The following POLR1A variants were observed in gnomAD, a reference collection of about 807,000 sequenced individuals.
The protein encoded by POLR1A is DNA-directed RNA polymerase I subunit RPA1.
In POLR1A, 84 loss-of-function variants were observed where a neutral mutation model predicts 205.3. That is an observed-to-expected ratio of 0.41 (90% CI 0.34 to 0.49). The LOEUF (loss-of-function observed/expected upper bound fraction) is 0.49, where lower values mean the gene tolerates loss of function less well. POLR1A is among the 20% of genes least tolerant of loss of function. The pLI is 0.22. For synonymous variants in POLR1A, 799 were observed against 863.7 expected (o/e 0.93, Z 1.31); for missense variants, 1,645 against 2,204.5 (o/e 0.75, Z 5.08).
intron 20 of POLR1A, 67 bp from the exon 21 acceptor site, chr2:86,045,427 G>A (rs1672693062): frequency 7.4e-7 from 1 of 1,350,544 alleles, no homozygotes; most frequent in East Asian, 2.3e-5. Flanking sequence ...AAGGGCTCAG[G>A]CCAACACCTC....
Position 86,088,568 on chromosome 2 carries a change from A to T in POLR1A, c.728T>A (p.Leu243Gln). ...CTCTCCAGACCCAGCCTGCTCACCCAGGGGCTCAGAGTCCTTCTGGCCAGC... is the reference window on the plus strand; with the variant it reads ...CTCTCCAGACCCAGCCTGCTCACCCTGGGGCTCAGAGTCCTTCTGGCCAGC... ...RTAGQKDSEP[L>Q]GIEEAQIGKR... is the part of the protein sequence containing the mutation. The change falls in exon 6 of 34, where the codon CTG becomes CAG. Residue 243 changes from leucine (L) to glutamine (Q), a missense_variant and splice_region_variant. Coordinates refer to ENST00000263857, the MANE Select transcript of POLR1A (RefSeq NM_015425.6). The T allele has an allele frequency of 6.2e-7, 1 of 1,609,280 alleles. No individual in the cohort carries two copies.
chr2:86,065,538 G>A (rs2104408999), intron 13 of POLR1A, 73 bp from the exon 14 acceptor site: 1 of 1,265,396 alleles, frequency 7.9e-7, no homozygotes, highest in South Asian at 1.4e-5. Flanking sequence ...CTAATCGCCT[G>A]CCTGGAAGCC....
intron 29 of POLR1A, 101 bp downstream of exon 29, chr2:86,032,171 T>A: frequency 3.7e-6 from 3 of 816,020 alleles, no homozygotes; most frequent in South Asian, 2.9e-5. Flanking sequence ...TGTGGGTTCA[T>A]GACACAGAGG....
intron 18 of POLR1A, among the ~76,000 whole-genome samples, chr2:86,048,123 A>G (rs1310602236): frequency 6.6e-6 from 1 of 152,192 alleles, no homozygotes. Flanking sequence ...GCAAGAGAGC[A>G]CTACAGACGA....
intron 1 of POLR1A, among the ~76,000 whole-genome samples, chr2:86,102,674 T>C (rs1419545126): frequency 1.3e-5 from 2 of 152,180 alleles, no homozygotes; most frequent in African/African-American, 2.4e-5. Context: ...GAAGATAACA[T>C]ACAGAAAATA....
chr2:86,048,044 C>G lies in POLR1A; in HGVS notation c.2635-781G>C, dbSNP rs115981085. Among the ~76,000 whole-genome samples the G allele has an allele frequency of 7.8e-3, 1,181 of 152,310 alleles. 17 individuals carry two copies. The highest frequency in any genetic ancestry group is 0.027 in the African/African-American group (1,124 of 41,558). On this transcript the variant is annotated intron_variant, in intron 18 of 33. Transcript: ENST00000263857. ...TAGGAAAGCTCCTGTCAACAAAACC[C>G]CTCAAGGATGGAACCTGTCCCCATG...
intron 31 of POLR1A, among the ~76,000 whole-genome samples, 164 bp downstream of exon 31, chr2:86,030,023 GGAGGCAGAC>G (rs1315365547): frequency 6.6e-6 from 1 of 152,200 alleles, no homozygotes; most frequent in Non-Finnish European, 1.5e-5. Flanking sequence ...AGAATCCCCG[GGAGGCAGAC>G]GAGGACACGC....
At chr2:86,085,062 C>T (rs111264437) in intron 6 of POLR1A, among the ~76,000 whole-genome samples, 5,333 of 152,220 alleles carry the variant, frequency 0.035, 227 homozygotes, top group East Asian at 0.23. Flanking sequence ...CCTGGGTTCA[C>T]GCCATTCTCC....
At chr2:86,055,548 G>T (rs1480162231) in intron 14 of POLR1A, among the ~76,000 whole-genome samples, 1 of 152,160 alleles carries the variant, frequency 6.6e-6, no homozygotes, top group East Asian at 1.9e-4. Context: ...GTCCTGGGGT[G>T]CCTACTTCAA....
chr2:86,072,783 G>C (rs1171096813), intron 12 of POLR1A, among the ~76,000 whole-genome samples: 1 of 152,184 alleles, frequency 6.6e-6, no homozygotes, highest in Non-Finnish European at 1.5e-5. Flanking sequence ...AGAGGAAATG[G>C]GTCCTTTTGG....
At chr2:86,079,440 G>C (rs1477904791) in intron 9 of POLR1A, among the ~76,000 whole-genome samples, 2 of 152,174 alleles carry the variant, frequency 1.3e-5, no homozygotes, top group Non-Finnish European at 2.9e-5. Flanking sequence ...AGAGAGTAAG[G>C]GGGGAGAAAA....
intron 27 of POLR1A, among the ~76,000 whole-genome samples, chr2:86,038,437 GACA>G (rs1672537610): frequency 1.3e-5 from 2 of 152,216 alleles, no homozygotes; most frequent in Admixed American, 6.5e-5. Flanking sequence ...AGCCCCAGAA[GACA>G]ACAATCCTGA....
In POLR1A at chr2:86,061,426, G is replaced by C. The variant is rs556407851; in HGVS notation, c.2058+3848C>G. 4.6e-4 allele frequency among the ~76,000 whole-genome samples: 70 copies of C among 152,322 alleles called. No individual in the cohort carries two copies. The South Asian group carries it at 0.014, about 31-fold the overall frequency. ...GGCACAACTGCACTCCATCCTGGTA[G>C]AAGTGTGTATTATTACAAGCATTTT... is the stretch of plus-strand genomic sequence containing the variant. On this transcript the variant is annotated intron_variant, in intron 14 of 33. Transcript: ENST00000263857.
chr2:86,049,910 T>C (rs1190996776), intron 16 of POLR1A, among the ~76,000 whole-genome samples: 2 of 151,502 alleles, frequency 1.3e-5, no homozygotes, highest in Non-Finnish European at 2.9e-5. Flanking sequence ...ATCAAACTAG[T>C]GTTTTTTTTT....
chr2:86,081,037 C>T, intron 8 of POLR1A, 59 bp from the exon 9 acceptor site: 1 of 1,487,150 alleles, frequency 6.7e-7, no homozygotes, highest in Non-Finnish European at 9.2e-7. Flanking sequence ...TCATGTTCTT[C>T]AGCCTCTCAC....
At chr2:86,060,290 C>A (rs1672971816) in intron 14 of POLR1A, among the ~76,000 whole-genome samples, 1 of 152,088 alleles carries the variant, frequency 6.6e-6, no homozygotes, top group African/African-American at 2.4e-5. Flanking sequence ...TATTTGTGTG[C>A]ACAGTGTGAA....
intron 12 of POLR1A, among the ~76,000 whole-genome samples, chr2:86,072,054 A>C (rs1673187882): frequency 1.3e-5 from 2 of 152,204 alleles, no homozygotes; most frequent in South Asian, 4.1e-4. Context: ...GAGAGGCTAG[A>C]AGTAATTAAG....
rs972288264 is a variant in POLR1A at position 86,071,682 on chromosome 2, A to G, written c.1612-1410T>C. On this transcript the variant is annotated intron_variant, in intron 12 of 33. Transcript: ENST00000263857. The stretch of plus-strand genomic sequence containing the variant: ...CTCATACTTTTCCCCCCTTATAAAT[A>G]TCTGGCTGGTCATGTCCTTCTGACA... Among the ~76,000 whole-genome samples, 17 of 152,368 alleles carry G rather than the reference A, an allele frequency of 1.1e-4. 1 individual carries two copies. The highest frequency in any genetic ancestry group is 4.1e-4 in the African/African-American group (17 of 41,586).
chr2:86,092,951 C>T (rs1673634810), intron 3 of POLR1A, among the ~76,000 whole-genome samples: 1 of 152,060 alleles, frequency 6.6e-6, no homozygotes, highest in African/African-American at 2.4e-5. Flanking sequence ...AGGCAAAAAT[C>T]CCAAGTAAAA....
Sources: allele counts gnomAD v4.1 joint callset (sites outside exome capture counted in the v4.1 genomes callset), GRCh38; gene constraint gnomAD v4.1.1; transcripts MANE v1.5; gene names NCBI Gene and HGNC (gene_info 2026-07-23, HGNC 2026-07-21).